Variants in REV1 observed in about 807,000 individuals in gnomAD.
REV1 encodes translesion synthesis protein REV1.
A neutral mutation model predicts 137.4 loss-of-function variants in REV1; 42 were observed. The observed-to-expected ratio is 0.31, with a 90% CI of 0.24 to 0.40. REV1 has a LOEUF of 0.40. Ranked by LOEUF, REV1 falls within the 10% of genes least tolerant of loss-of-function variation. The pLI, the probability that REV1 is intolerant of heterozygous loss-of-function variation, is 1.00. For missense variants in REV1, 1,282 were observed against 1,490.1 expected, an observed-to-expected ratio of 0.86 and a Z score of 2.30; for synonymous variants, 524 against 519.2, an observed-to-expected ratio of 1.01 and a Z score of -0.12.
chr2:99,441,420 A>T (rs1681478332), intron 5 of REV1, among the ~76,000 whole-genome samples: 1 of 152,166 alleles, frequency 6.6e-6, no homozygotes. Flanking sequence ...CAACCCACCA[A>T]TTAATTGTGA....
intron 3 of REV1, chr2:99,451,386 T>A (rs2104971453): frequency 7.7e-7 from 1 of 1,293,684 alleles, no homozygotes; most frequent in East Asian, 5.6e-5. Context: ...ACTCCAGAAA[T>A]TTGGAACTGG....
At chr2:99,438,536 T>C (rs776088270) in intron 6 of REV1, 65 bp downstream of exon 6, 9 of 1,222,292 alleles carry the variant, frequency 7.4e-6, no homozygotes, top group Non-Finnish European at 1.1e-5. Flanking sequence ...ATACCAATAA[T>C]AGCATAAGAG....
chr2:99,409,862 C>CA (rs199821990), intron 14 of REV1, among the ~76,000 whole-genome samples: 1,421 of 135,666 alleles, frequency 0.01, 23 homozygotes, highest in South Asian at 0.017. Context: ...AACCCCCCCC[C>CA]CCCCCAAAAA....
intron 9 of REV1, among the ~76,000 whole-genome samples, chr2:99,429,606 G>C (rs1679849298): frequency 6.6e-6 from 1 of 151,512 alleles, no homozygotes; most frequent in African/African-American, 2.4e-5. Context: ...AATTTCTTTT[G>C]GTTCCTACTA....
At position 99,404,590 on chromosome 2, in the gene REV1, CATGTG is replaced by C; in HGVS notation, c.2894_2898del (p.Ser965TrpfsTer12). 1 of 1,614,008 alleles carries C rather than the reference CATGTG, an allele frequency of 6.2e-7. No individual in the cohort carries two copies. The highest frequency in any genetic ancestry group is 8.5e-7 in the Non-Finnish European group (1 of 1,179,990). ...TTTACTGGTTCTTTCTTTTTGTCGC[CATGTG>C]ACTCTGCTTGCTGGACAGCACAGAC... is the stretch of plus-strand genomic sequence containing the variant. On this transcript the variant is annotated frameshift_variant, in exon 18 of 23. Transcript: ENST00000258428. LOFTEE classifies it high-confidence loss of function.
intron 19 of REV1, 162 bp from the exon 20 acceptor site, chr2:99,403,268 A>G: frequency 1.6e-6 from 1 of 629,488 alleles, no homozygotes; most frequent in Non-Finnish European, 2.7e-6. Flanking sequence ...GGCCCAAAGT[A>G]CAGGCTCTCC....
At chr2:99,417,557 C>T (rs905498079) in intron 12 of REV1, among the ~76,000 whole-genome samples, 2 of 152,140 alleles carry the variant, frequency 1.3e-5, no homozygotes, top group African/African-American at 2.4e-5. Context: ...GAGATCAGGA[C>T]GGAGACATGC....
At chr2:99,489,510 G>C (rs1227084047) in intron 1 of REV1, among the ~76,000 whole-genome samples, 1 of 41,140 alleles carries the variant, frequency 2.4e-5, no homozygotes, top group African/African-American at 1.1e-4. Context: ...TGCGCCAGGG[G>C]TCGGCGCGGG....
At chr2:99,473,837 A>G (rs1685688621) in intron 1 of REV1, among the ~76,000 whole-genome samples, 1 of 152,224 alleles carries the variant, frequency 6.6e-6, no homozygotes, top group Non-Finnish European at 1.5e-5. Flanking sequence ...TTCTTGAAGT[A>G]AGTATGATCT....
intron 3 of REV1, chr2:99,451,484 T>G: frequency 1.5e-6 from 2 of 1,304,044 alleles, no homozygotes; most frequent in Non-Finnish European, 2.0e-6. Flanking sequence ...CAGTGTGAAG[T>G]GAAGCATGAA....
intron 1 of REV1, among the ~76,000 whole-genome samples, chr2:99,486,304 C>A (rs1053764891): frequency 6.6e-6 from 1 of 152,016 alleles, no homozygotes; most frequent in Non-Finnish European, 1.5e-5. Context: ...CTGAGGCGGG[C>A]GGATCACGAG....
chr2:99,432,267 C>A (rs1226455595), intron 8 of REV1, among the ~76,000 whole-genome samples: 1 of 152,050 alleles, frequency 6.6e-6, no homozygotes, highest in African/African-American at 2.4e-5. Flanking sequence ...TCAAAAAGGA[C>A]TAAGGATGCT....
intron 4 of REV1, 63 bp downstream of exon 4, chr2:99,449,273 A>G (rs1682635259): frequency 9.4e-7 from 1 of 1,058,492 alleles, no homozygotes; most frequent in Non-Finnish European, 1.3e-6. Context: ...TCAAAAAAAT[A>G]AATAAATAAA....
chr2:99,429,327 G>C lies in REV1; in HGVS notation c.1547+513C>G, dbSNP rs549057010. ...TATAAGATAAAGACCTATACAAAAA[G>C]TTGGTGCTAACAAGTTGACAACACT... On this transcript the variant is annotated intron_variant, in intron 9 of 22. Coordinates refer to ENST00000258428, the MANE Select transcript of REV1 (RefSeq NM_016316.4). Among the ~76,000 whole-genome samples, 64 of 152,186 alleles carry C rather than the reference G, an allele frequency of 4.2e-4. No homozygotes were observed. In the South Asian group the frequency reaches 0.012, roughly 30 times the overall value.
intron 3 of REV1, among the ~76,000 whole-genome samples, chr2:99,459,846 C>G (rs1347268399): frequency 6.6e-6 from 1 of 152,190 alleles, no homozygotes; most frequent in Non-Finnish European, 1.5e-5. Context: ...CCTCCAAGTT[C>G]AAGTTCAATG....
chr2:99,414,278 T>C (rs1187856824), intron 12 of REV1, among the ~76,000 whole-genome samples: 2 of 152,112 alleles, frequency 1.3e-5, no homozygotes, highest in Non-Finnish European at 2.9e-5. Context: ...CTGGAACCAG[T>C]ATATAACACA....
chr2:99,443,359 AAT>A lies in REV1; in HGVS notation c.351-892_351-891del, dbSNP rs28382869. 6.0e-3 allele frequency among the ~76,000 whole-genome samples: 909 copies of A among 152,304 alleles called. 6 individuals carry two copies. The highest frequency in any genetic ancestry group is 0.014 in the Middle Eastern group (4 of 294). Reference sequence around the variant, plus strand: ...AAAGACTGATAAATAACATGATAAAAATATGTTTCTTATTGTCTCATAAATCC... The same window carrying A: ...AAAGACTGATAAATAACATGATAAAAATGTTTCTTATTGTCTCATAAATCC... On this transcript the variant is annotated intron_variant, in intron 4 of 22. Transcript: ENST00000258428.
At chr2:99,482,433 G>A (rs1686702688) in intron 1 of REV1, among the ~76,000 whole-genome samples, 1 of 152,214 alleles carries the variant, frequency 6.6e-6, no homozygotes, top group African/African-American at 2.4e-5. Context: ...AACTCCGAAA[G>A]TTGTAGCCAG....
intron 14 of REV1, 119 bp downstream of exon 14, chr2:99,410,576 C>T: frequency 1.2e-6 from 1 of 861,940 alleles, no homozygotes; most frequent in East Asian, 2.7e-5. Flanking sequence ...TACAGAATAC[C>T]AGATTAACGG....
Sources: allele counts gnomAD v4.1 joint callset (sites outside exome capture counted in the v4.1 genomes callset), GRCh38; gene constraint gnomAD v4.1.1; transcripts MANE v1.5; gene names NCBI Gene and HGNC (gene_info 2026-07-23, HGNC 2026-07-21).